Variants in CRIP1 observed in about 807,000 individuals in gnomAD.
CRIP1 encodes the protein cysteine-rich protein 1.
Under a neutral mutation model 12.9 loss-of-function variants are expected in CRIP1, and 11 were observed. The ratio of observed to expected loss-of-function variants is 0.86; its 90% CI spans 0.54 to 1.42. The LOEUF is 1.42. CRIP1 is among the 40% of genes most tolerant of loss of function. The probability of loss-of-function intolerance (pLI) is 0.00; values close to 1 mark genes in which losing one functional copy is unlikely to be tolerated. For synonymous variants in CRIP1, 41 were observed against 37.2 expected (o/e 1.10, Z -0.37); for missense variants, 122 against 101.3 (o/e 1.20, Z -0.88).
At position 105,488,317 on chromosome 14, in the gene CRIP1, CCTTCT is replaced by C; in HGVS notation, c.136-10_136-6del. On this transcript the variant is annotated splice_polypyrimidine_tract_variant and intron_variant, in intron 3 of 5. Transcript: ENST00000392531. ...AGGGGTGATGGCACCCCCTCACGGC[CCTTCT>C]CTTTGCAGCACGAAGGCAAACCCTA... The C allele has an allele frequency of 6.2e-7, 1 of 1,613,510 alleles. No individual in the cohort carries two copies. The highest frequency in any genetic ancestry group is 8.5e-7 in the Non-Finnish European group (1 of 1,180,006).
In CRIP1 at chr14:105,486,890, T is replaced by A; in HGVS notation, c.-144T>A. On this transcript the variant is annotated 5_prime_UTR_variant, in exon 1 of 6. Coordinates refer to ENST00000392531, the MANE Select transcript of CRIP1 (RefSeq NM_001311.5). ...CGTTTCCTGCTGCGGGTGAGCCTTT[T>A]GCCTCGGAACTGGACCCGGGAGACA... 1 of 1,062,654 alleles carries A rather than the reference T, an allele frequency of 9.4e-7. No homozygotes were observed. Among genetic ancestry groups the A allele is most frequent in the Non-Finnish European group, 1.1e-6 (1 of 879,918 alleles). 65.8% of individuals were successfully genotyped at this position (1,062,654 alleles called of 1,614,324 possible). A position where few individuals can be genotyped will look rare whatever the true frequency, so the allele number is the denominator to read the frequency against.
intron 5 of CRIP1, 56 bp downstream of exon 5, chr14:105,488,572 T>C: frequency 6.5e-7 from 1 of 1,529,768 alleles, no homozygotes; most frequent in Non-Finnish European, 8.9e-7. Context: ...GGGATGGGGA[T>C]GCCCCCTCCC....
In CRIP1 at chr14:105,488,486, GAGCCGAGAGCCACACTTTC is replaced by G. The variant is rs1555438575; in HGVS notation, c.211_229del (p.Ala71SerfsTer?). On this transcript the variant is annotated frameshift_variant, in exon 5 of 6. Coordinates refer to ENST00000392531, the MANE Select transcript of CRIP1 (RefSeq NM_001311.5). LOFTEE classifies it high-confidence loss of function. ...TTCTCTGCAGGCTTTGGGCGGGGCG[GAGCCGAGAGCCACACTTTC>G]AAGTAAACCAGGTAGGTAGGACCCC... 1.2e-6 allele frequency: 2 copies of G among 1,604,786 alleles called. No individual in the cohort carries two copies.
Position 105,486,972 on chromosome 14 carries a change from AG to A in CRIP1, c.-62+1del. On this transcript the variant is annotated splice_donor_variant, in intron 1 of 5. Coordinates refer to ENST00000392531, the MANE Select transcript of CRIP1 (RefSeq NM_001311.5). LOFTEE classifies it low-confidence loss of function (5UTR_SPLICE). ...CTCGCCTAAAGAGCTGCGCCCTCTC[AG>A]TAAGTCCCCATGGCCCCCTGCCCCC... 8.5e-7 allele frequency: 1 copy of A among 1,182,198 alleles called. No individual in the cohort carries two copies. Among genetic ancestry groups the A allele is most frequent in the South Asian group, 2.6e-5 (1 of 37,808 alleles). 73.2% of individuals were successfully genotyped at this position (1,182,198 alleles called of 1,614,324 possible). A position where few individuals can be genotyped will look rare whatever the true frequency, so the allele number is the denominator to read the frequency against.
Position 105,488,316 on chromosome 14 carries a change from C to T in CRIP1, c.136-15C>T, listed in dbSNP as rs74905837. 1.9e-3 allele frequency: 2,992 copies of T among 1,613,488 alleles called. 35 individuals carry two copies. In the African/African-American group the frequency reaches 0.032, roughly 17 times the overall value. ...CAGGGGTGATGGCACCCCCTCACGG[C>T]CCTTCTCTTTGCAGCACGAAGGCAA... On this transcript the variant is annotated splice_polypyrimidine_tract_variant and intron_variant, in intron 3 of 5. Transcript: ENST00000392531.
rs1555438412 is a variant in CRIP1 at position 105,488,157 on chromosome 14, C to G, written c.41-9C>G. The G allele has an allele frequency of 1.2e-6, 2 of 1,611,286 alleles. No homozygotes were observed. The highest frequency in any genetic ancestry group is 8.5e-7 in the Non-Finnish European group (1 of 1,179,634). On this transcript the variant is annotated splice_polypyrimidine_tract_variant and intron_variant, in intron 2 of 5. Transcript: ENST00000392531. ...AGCGTCTCACCGGGGCCTGTCTGTG[C>G]CTCTGCAGCCGAGAGGGTGACCTCT...
chr14:105,486,923 G>C lies in CRIP1; in HGVS notation c.-111G>C, dbSNP rs1205143558. 2 of 1,132,016 alleles carry C rather than the reference G, an allele frequency of 1.8e-6. No individual in the cohort carries two copies. Among genetic ancestry groups the C allele is most frequent in the Non-Finnish European group, 2.2e-6 (2 of 922,906 alleles). The allele number at this position is 1,132,016 out of a possible 1,614,324, so 70.1% of individuals were successfully genotyped here. A position where few individuals can be genotyped will look rare whatever the true frequency, so the allele number is the denominator to read the frequency against. On this transcript the variant is annotated 5_prime_UTR_variant, in exon 1 of 6. Coordinates refer to ENST00000392531, the MANE Select transcript of CRIP1 (RefSeq NM_001311.5). ...AACTGGACCCGGGAGACATCACAGC[G>C]CTGGGCTAGGGGCGCGGCTTGAACT...
chr14:105,487,271 T>C lies in CRIP1; in HGVS notation c.12T>C (p.Cys4=), dbSNP rs1555438218. ...GACCCGGAGCCGTCATGCCCAAGTGTCCCAAGTGCAACAAGGAGGTGTACT... is the reference window on the plus strand; with the variant it reads ...GACCCGGAGCCGTCATGCCCAAGTGCCCCAAGTGCAACAAGGAGGTGTACT... The part of the protein sequence containing the change: MPK[C]PKCNKEVYFA... The change falls in exon 2 of 6, where the codon TGT becomes TGC. Residue 4 remains cysteine (C), a synonymous_variant. Transcript: ENST00000392531. 1 of 1,544,294 alleles carries C rather than the reference T, an allele frequency of 6.5e-7. No homozygotes were observed. The highest frequency in any genetic ancestry group is 8.7e-7 in the Non-Finnish European group (1 of 1,144,610).
In CRIP1 at chr14:105,488,395, T is replaced by C; in HGVS notation, c.193+7T>C. On this transcript the variant is annotated splice_region_variant and intron_variant, in intron 4 of 5. Coordinates refer to ENST00000392531, the MANE Select transcript of CRIP1 (RefSeq NM_001311.5). ...GCCATGTTTGGGCCTAAAGGTATGC[T>C]CCCGTCATCCCCACCCCACCCCACC... The C allele has an allele frequency of 1.2e-6, 2 of 1,610,708 alleles. No homozygotes were observed. Among genetic ancestry groups the C allele is most frequent in the Non-Finnish European group, 1.7e-6 (2 of 1,179,416 alleles).
At chr14:105,488,600 CGTG>C in intron 5 of CRIP1, 60 bp from the exon 6 acceptor site, 2 of 1,411,088 alleles carry the variant, frequency 1.4e-6, no homozygotes, top group Non-Finnish European at 1.9e-6. Flanking sequence ...CCTGACCACT[CGTG>C]GGCCCCAAAG....
rs782652391 is a variant in CRIP1, at chr14:105,487,218, G to A, written c.-42G>A. On this transcript the variant is annotated 5_prime_UTR_variant, in exon 2 of 6. Coordinates refer to ENST00000392531, the MANE Select transcript of CRIP1 (RefSeq NM_001311.5). ...ACCCAGTCTCGCGCCTGCAGCCCGT[G>A]CCGCCCCAGCCGCTGCCGCCTGCAC... 7.1e-6 allele frequency: 11 copies of A among 1,539,874 alleles called. No individual in the cohort carries two copies. In the African/African-American group the frequency reaches 8.3e-5, roughly 12 times the overall value.
chr14:105,488,305 C>G, intron 3 of CRIP1, 26 bp from the exon 4 acceptor site: 1 of 1,613,384 alleles, frequency 6.2e-7, no homozygotes. Flanking sequence ...GGTGATGGCA[C>G]CCCCTCACGG....
chr14:105,487,119 G>A, intron 1 of CRIP1, 80 bp from the exon 2 acceptor site: 2 of 1,409,108 alleles, frequency 1.4e-6, no homozygotes, highest in Non-Finnish European at 1.9e-6. Context: ...GGTTCAGAGG[G>A]CGGGGCGCGA....
chr14:105,488,420 C>A (rs782482745), intron 4 of CRIP1, 32 bp downstream of exon 4: 1 of 1,605,692 alleles, frequency 6.2e-7, no homozygotes, highest in Non-Finnish European at 8.5e-7. Flanking sequence ...CCCACCCCAC[C>A]CCACAGCCTC....
At chr14:105,488,301 G>A (rs1555438481) in intron 3 of CRIP1, 30 bp from the exon 4 acceptor site, 1 of 1,613,350 alleles carries the variant, frequency 6.2e-7, no homozygotes, top group Non-Finnish European at 8.5e-7. Context: ...CAGGGGTGAT[G>A]GCACCCCCTC....
rs2084130559 is a variant in CRIP1, at chr14:105,487,319, C to T, written c.40+20C>T. On this transcript the variant is annotated intron_variant, in intron 2 of 5. Coordinates refer to ENST00000392531, the MANE Select transcript of CRIP1 (RefSeq NM_001311.5). The stretch of plus-strand genomic sequence containing the variant: ...ACTTCGGTGAGCGCGCCCACACCGG[C>T]CCCGCGAGGAGGCGCCGCCGACGGG... 4 of 1,534,796 alleles carry T rather than the reference C, an allele frequency of 2.6e-6. No homozygotes were observed. The highest frequency in any genetic ancestry group is 1.2e-5 in the South Asian group (1 of 82,554).
chr14:105,487,164 C>A (rs2084128461), intron 1 of CRIP1, 35 bp from the exon 2 acceptor site: 3 of 1,494,252 alleles, frequency 2.0e-6, no homozygotes, highest in African/African-American at 2.9e-5. Context: ...GTCCCGGGGT[C>A]CCTGAAAGGC....
At position 105,487,342 on chromosome 14, in the gene CRIP1, G is replaced by A. The variant is rs1384586270; in HGVS notation, c.40+43G>A. 1.2e-5 allele frequency: 18 copies of A among 1,514,906 alleles called. No individual in the cohort carries two copies. The African/African-American group carries it at 1.6e-4, about 13-fold the overall frequency. The allele number at this position is 1,514,906 out of a possible 1,614,324, so 93.8% of individuals were successfully genotyped here. ...GGCCCCGCGAGGAGGCGCCGCCGAC[G>A]GGGCGACGAGGCTGGGGACCGCTCA... is the stretch of plus-strand genomic sequence containing the variant. On this transcript the variant is annotated intron_variant, in intron 2 of 5. Transcript: ENST00000392531.
intron 1 of CRIP1, 42 bp from the exon 2 acceptor site, chr14:105,487,157 C>A: frequency 6.7e-7 from 1 of 1,485,872 alleles, no homozygotes. Context: ...GGGCGGGGTC[C>A]CGGGGTCCCT....
Sources: gnomAD v4.1 joint callset for allele counts on GRCh38, gnomAD v4.1.1 for gene constraint, MANE v1.5 for transcripts, NCBI Gene and HGNC (gene_info 2026-07-23, HGNC 2026-07-21) for gene names.